PALLD: variants seen among roughly 807,000 people sequenced by gnomAD.
PALLD encodes palladin, cytoskeletal associated protein.
PALLD carries 61 observed loss-of-function variants against 123.5 expected under a neutral mutation model. The ratio of observed to expected loss-of-function variants is 0.49; its 90% CI spans 0.40 to 0.61. The LOEUF is 0.61. PALLD is among the 20% of genes least tolerant of loss of function. The pLI is 0.00. For missense variants in PALLD, 1,273 were observed against 1,377.0 expected (o/e 0.92, Z 1.20); for synonymous variants, 465 against 496.4 (o/e 0.94, Z 0.84).
chr4:168,582,715 G>T (rs1770413979), intron 2 of PALLD, among the ~76,000 whole-genome samples: 1 of 152,198 alleles, frequency 6.6e-6, no homozygotes, highest in South Asian at 2.1e-4. Flanking sequence ...TGTTAATGTG[G>T]TATGTCACAT....
intron 17 of PALLD, among the ~76,000 whole-genome samples, chr4:168,918,999 G>C (rs1760839083): frequency 6.6e-6 from 1 of 151,734 alleles, no homozygotes; most frequent in South Asian, 2.1e-4. Context: ...ATAAAATCTG[G>C]AATTTATTTT....
Position 168,500,227 on chromosome 4 carries a change from C to CT in PALLD, c.-83+3035dup, listed in dbSNP as rs535258441. 2.8e-3 allele frequency among the ~76,000 whole-genome samples: 429 copies of CT among 152,350 alleles called. 4 individuals carry two copies. The highest frequency in any genetic ancestry group is 8.3e-3 in the African/African-American group (345 of 41,574). On this transcript the variant is annotated intron_variant, in intron 1 of 21. Coordinates refer to ENST00000505667, the MANE Select transcript of PALLD (RefSeq NM_001166108.2). ...TTGCATTGTCACTGAATTCTTTCTA[C>CT]TTACTAGACTCTGCTCTTTCTCATG...
intron 8 of PALLD, among the ~76,000 whole-genome samples, chr4:168,704,753 TAAGAATA>T (rs954818099): frequency 2.0e-5 from 3 of 151,774 alleles, no homozygotes; most frequent in Non-Finnish European, 4.4e-5. Flanking sequence ...AGATAAATCT[TAAGAATA>T]AAGAAAAAGA....
At position 168,509,174 on chromosome 4, in the gene PALLD, C is replaced by T. The variant is rs80240071; in HGVS notation, c.-82-2249C>T. ...CAAATTATACTGGTGCATAGATATACAAATGATTTTTTTTCTAGTAGAAAT... is the reference window on the plus strand; with the variant it reads ...CAAATTATACTGGTGCATAGATATATAAATGATTTTTTTTCTAGTAGAAAT... On this transcript the variant is annotated intron_variant, in intron 1 of 21. Coordinates refer to ENST00000505667, the MANE Select transcript of PALLD (RefSeq NM_001166108.2). Among the ~76,000 whole-genome samples the T allele has an allele frequency of 3.2e-4, 48 of 152,176 alleles. No homozygotes were observed. The East Asian group carries it at 8.5e-3, about 27-fold the overall frequency.
intron 2 of PALLD, among the ~76,000 whole-genome samples, chr4:168,614,854 G>A (rs1011435682): frequency 6.6e-6 from 1 of 152,116 alleles, no homozygotes; most frequent in Non-Finnish European, 1.5e-5. Context: ...CATCAGTGTG[G>A]GATGGTAACA....
At chr4:168,514,569 T>A (rs1025894581) in intron 2 of PALLD, among the ~76,000 whole-genome samples, 1 of 152,250 alleles carries the variant, frequency 6.6e-6, no homozygotes, top group Non-Finnish European at 1.5e-5. Context: ...TACAGATTTA[T>A]ATACATGAAG....
At chr4:168,878,782 C>G (rs931064254) in intron 10 of PALLD, among the ~76,000 whole-genome samples, 4 of 151,826 alleles carry the variant, frequency 2.6e-5, no homozygotes, top group African/African-American at 9.7e-5. Context: ...TAGCATTGCC[C>G]CAGTTAAAGT....
intron 10 of PALLD, among the ~76,000 whole-genome samples, chr4:168,872,460 C>T (rs1246057901): frequency 1.3e-5 from 2 of 152,166 alleles, no homozygotes; most frequent in Non-Finnish European, 2.9e-5. Context: ...TGTAAAGAAA[C>T]CTATGTCCTT....
chr4:168,640,132 G>A (rs1009845958), intron 2 of PALLD, among the ~76,000 whole-genome samples: 2 of 152,128 alleles, frequency 1.3e-5, no homozygotes, highest in Non-Finnish European at 2.9e-5. Context: ...TTTCATGCTC[G>A]TGTTTCAAGC....
chr4:168,755,398 G>C (rs1181560355), intron 10 of PALLD, among the ~76,000 whole-genome samples: 1 of 151,456 alleles, frequency 6.6e-6, no homozygotes, highest in Non-Finnish European at 1.5e-5. Context: ...TTTCTAACGG[G>C]GAAAGATCAC....
chr4:168,535,643 A>G (rs987831590), intron 2 of PALLD, among the ~76,000 whole-genome samples: 1 of 152,220 alleles, frequency 6.6e-6, no homozygotes, highest in Non-Finnish European at 1.5e-5. Flanking sequence ...ATGGAAAGTG[A>G]TTGTGGCATT....
At chr4:168,776,820 G>A (rs941459519) in intron 10 of PALLD, among the ~76,000 whole-genome samples, 5 of 152,066 alleles carry the variant, frequency 3.3e-5, no homozygotes, top group African/African-American at 1.2e-4. Flanking sequence ...CTTGAGATAA[G>A]CCCCATTTCA....
At chr4:168,628,122 A>G (rs1775472444) in intron 2 of PALLD, among the ~76,000 whole-genome samples, 1 of 152,268 alleles carries the variant, frequency 6.6e-6, no homozygotes, top group South Asian at 2.1e-4. Flanking sequence ...AATTAATACT[A>G]TAGATAAACT....
intron 2 of PALLD, among the ~76,000 whole-genome samples, chr4:168,515,357 G>A (rs1417193164): frequency 6.6e-6 from 1 of 152,210 alleles, no homozygotes; most frequent in Admixed American, 6.5e-5. Flanking sequence ...GACTCAGACT[G>A]TGTCAGTCCA....
intron 3 of PALLD, among the ~76,000 whole-genome samples, chr4:168,675,294 C>A (rs541925306): frequency 1.3e-5 from 2 of 152,270 alleles, no homozygotes; most frequent in East Asian, 3.9e-4. Context: ...GGGAAGAGAA[C>A]CAGCGTGACA....
intron 2 of PALLD, among the ~76,000 whole-genome samples, chr4:168,518,799 A>C (rs1763253259): frequency 1.3e-5 from 2 of 152,198 alleles, no homozygotes; most frequent in Non-Finnish European, 2.9e-5. Flanking sequence ...CCTTCACTAG[A>C]ATATAAAATC....
chr4:168,802,278 G>A (rs1273082225), intron 10 of PALLD, among the ~76,000 whole-genome samples: 2 of 152,110 alleles, frequency 1.3e-5, no homozygotes, highest in Non-Finnish European at 1.5e-5. Context: ...ACAAATCTAC[G>A]TGAACTAGGA....
At position 168,794,516 on chromosome 4, in the gene PALLD, A is replaced by ACGCG. The variant is rs1561531846; in HGVS notation, c.1964+82594_1964+82595insGCGC. Among the ~76,000 whole-genome samples the ACGCG allele has an allele frequency of 2.7e-5, 4 of 148,042 alleles. No homozygotes were observed. In the South Asian group the frequency reaches 8.4e-4, roughly 31 times the overall value. ...CACGCACACACACACGCACACACACACACACACACACACACACACACACCC... is the reference window on the plus strand; with the variant it reads ...CACGCACACACACACGCACACACACACGCGCACACACACACACACACACACACCC... On this transcript the variant is annotated intron_variant, in intron 10 of 21. Coordinates refer to ENST00000505667, the MANE Select transcript of PALLD (RefSeq NM_001166108.2).
chr4:168,704,345 A>G (rs1784011718), intron 8 of PALLD, among the ~76,000 whole-genome samples: 1 of 152,242 alleles, frequency 6.6e-6, no homozygotes, highest in South Asian at 2.1e-4. Flanking sequence ...TATTTAAAAG[A>G]TAGAGAACCA....
Sources: gnomAD v4.1 joint callset for allele counts (sites outside exome capture counted in the v4.1 genomes callset) on GRCh38, gnomAD v4.1.1 for gene constraint, MANE v1.5 for transcripts, NCBI Gene and HGNC (gene_info 2026-07-23, HGNC 2026-07-21) for gene names.